Variants in FAM53B observed in about 807,000 individuals in gnomAD.
FAM53B encodes protein FAM53B.
A neutral mutation model predicts 32.7 loss-of-function variants in FAM53B; 12 were observed. That is an observed-to-expected ratio of 0.37 (90% CI 0.24 to 0.59). The LOEUF is 0.59. Among genes scored for constraint, FAM53B ranks in the 20% least tolerant of loss-of-function variants. The pLI is 0.72. For missense variants in FAM53B, 477 were observed against 577.7 expected, an observed-to-expected ratio of 0.83 and a Z score of 1.79; for synonymous variants, 234 against 228.7, an observed-to-expected ratio of 1.02 and a Z score of -0.21.
intron 4 of FAM53B, among the ~76,000 whole-genome samples, chr10:124,658,976 GTTAT>G (rs1365132287): frequency 6.6e-6 from 1 of 152,242 alleles, no homozygotes; most frequent in Non-Finnish European, 1.5e-5. Flanking sequence ...CCCTAGGTGA[GTTAT>G]TTAATTAGGT....
At chr10:124,672,664 G>C (rs1020509395) in intron 4 of FAM53B, among the ~76,000 whole-genome samples, 1 of 152,214 alleles carries the variant, frequency 6.6e-6, no homozygotes, top group African/African-American at 2.4e-5. Context: ...CTCCAGCCCA[G>C]AGTTCAGAAT....
At chr10:124,664,566 T>C (rs1020595449) in intron 4 of FAM53B, among the ~76,000 whole-genome samples, 27 of 152,276 alleles carry the variant, frequency 1.8e-4, no homozygotes, top group African/African-American at 6.5e-4. Flanking sequence ...GGTAGAACTC[T>C]GCGCAGATGG....
At chr10:124,657,425 A>G (rs1331619369) in intron 4 of FAM53B, among the ~76,000 whole-genome samples, 1 of 152,166 alleles carries the variant, frequency 6.6e-6, no homozygotes, top group Non-Finnish European at 1.5e-5. Flanking sequence ...GGGGCTAGAA[A>G]GGGTGTCAAG....
chr10:124,632,151 G>A (rs1949395391), intron 4 of FAM53B, among the ~76,000 whole-genome samples: 1 of 152,224 alleles, frequency 6.6e-6, no homozygotes, highest in South Asian at 2.1e-4. Flanking sequence ...CTCTCCGAGG[G>A]CACCCCACAG....
At position 124,672,751 on chromosome 10, in the gene FAM53B, A is replaced by G. The variant is rs546871775; in HGVS notation, c.906+8856T>C. Among the ~76,000 whole-genome samples, 4 of 152,354 alleles carry G rather than the reference A, an allele frequency of 2.6e-5. No individual in the cohort carries two copies. The East Asian group carries it at 7.7e-4, about 29-fold the overall frequency. ...AGAGGTTTGCAAACTGAGGGCTGAC[A>G]GGAAAGGGTAAGGAATGGGGCCTCC... On this transcript the variant is annotated intron_variant, in intron 4 of 4. Coordinates refer to ENST00000337318, the MANE Select transcript of FAM53B (RefSeq NM_014661.4).
At chr10:124,711,161 G>A (rs1346576081) in intron 1 of FAM53B, among the ~76,000 whole-genome samples, 1 of 152,102 alleles carries the variant, frequency 6.6e-6, no homozygotes, top group Non-Finnish European at 1.5e-5. Context: ...AGAGACACAC[G>A]CCACAACCTG....
chr10:124,647,126 C>A (rs1352593115), intron 4 of FAM53B, among the ~76,000 whole-genome samples: 3 of 152,184 alleles, frequency 2.0e-5, no homozygotes, highest in Non-Finnish European at 2.9e-5. Flanking sequence ...GGCATCGGGG[C>A]CGCATGTGCT....
At position 124,651,210 on chromosome 10, in the gene FAM53B, C is replaced by A. The variant is rs551354610; in HGVS notation, c.907-27606G>T. Among the ~76,000 whole-genome samples, 2 of 152,364 alleles carry A rather than the reference C, an allele frequency of 1.3e-5. No homozygotes were observed. The highest frequency in any genetic ancestry group is 1.9e-4 in the East Asian group (1 of 5,180). ...GGGAGACAGAGCCAGGTGGCCACCA[C>A]CTTGCCCTCAGACGCTCTGTTGTGG... On this transcript the variant is annotated intron_variant, in intron 4 of 4. Transcript: ENST00000337318. The surrounding 1 kb of genome is among the most constrained non-coding windows in gnomAD (Gnocchi z 5.2).
At chr10:124,642,622 A>G (rs984578377) in intron 4 of FAM53B, among the ~76,000 whole-genome samples, 8 of 152,206 alleles carry the variant, frequency 5.3e-5, no homozygotes, top group Non-Finnish European at 1.2e-4. Flanking sequence ...GGAACCTGAA[A>G]TCCCCGTGAG....
chr10:124,718,801 A>C (rs1950051332), intron 1 of FAM53B, among the ~76,000 whole-genome samples: 1 of 152,278 alleles, frequency 6.6e-6, no homozygotes, highest in Non-Finnish European at 1.5e-5. Context: ...TAATCCCTGC[A>C]CTTGGGCAGG....
intron 1 of FAM53B, among the ~76,000 whole-genome samples, chr10:124,735,762 G>T (rs932922932): frequency 7.2e-6 from 1 of 138,536 alleles, no homozygotes; most frequent in Non-Finnish European, 1.6e-5. Context: ...CTCACTCAGG[G>T]CCCCGAACCT....
chr10:124,691,279 AAAGT>A (rs1162398745), intron 3 of FAM53B, among the ~76,000 whole-genome samples: 6 of 152,216 alleles, frequency 3.9e-5, no homozygotes, highest in Non-Finnish European at 5.9e-5. Context: ...TTAAACCCTG[AAAGT>A]AAGGGCTTAT....
Position 124,694,030 on chromosome 10 carries a change from G to T in FAM53B, c.133+2128C>A, listed in dbSNP as rs948152317. ...CAGGGTTTTCCTGAATTAGGGAGGG[G>T]CCGACCAACAGAAAGATGAGACCCA... On this transcript the variant is annotated intron_variant, in intron 3 of 4. Transcript: ENST00000337318. Among the ~76,000 whole-genome samples, 8 of 152,330 alleles carry T rather than the reference G, an allele frequency of 5.3e-5. No homozygotes were observed. In the South Asian group the frequency reaches 8.3e-4, roughly 16 times the overall value.
At chr10:124,670,446 C>T (rs1221213146) in intron 4 of FAM53B, among the ~76,000 whole-genome samples, 1 of 152,088 alleles carries the variant, frequency 6.6e-6, no homozygotes, top group Admixed American at 6.5e-5. Flanking sequence ...AAAAAGCCCG[C>T]TCCTCACCCC....
chr10:124,659,094 C>T (rs1369139931), intron 4 of FAM53B, among the ~76,000 whole-genome samples: 1 of 152,206 alleles, frequency 6.6e-6, no homozygotes, highest in South Asian at 2.1e-4. Context: ...TGGTGGCTGA[C>T]GTGCACCCAC....
At position 124,623,474 on chromosome 10, in the gene FAM53B, C is replaced by T; in HGVS notation, c.1037G>A (p.Gly346Glu). 1 of 1,586,598 alleles carries T rather than the reference C, an allele frequency of 6.3e-7. No homozygotes were observed. The highest frequency in any genetic ancestry group is 8.6e-7 in the Non-Finnish European group (1 of 1,167,514). The change falls in exon 5 of 5, where the codon GGG (glycine) becomes GAG (glutamate). Residue 346 changes from glycine (G) to glutamate (E), a missense_variant. Around this residue, in one of 2 missense-constraint regions of FAM53B, gnomAD observed 165 missense variants for 157.5 expected, o/e 1.05. Coordinates refer to ENST00000337318, the MANE Select transcript of FAM53B (RefSeq NM_014661.4). Reference protein sequence around the residue: ...WTALLSASGPGGRTPAGTPVP... With the variant: ...WTALLSASGPEGRTPAGTPVP... The stretch of plus-strand genomic sequence containing the variant: ...CGGGGTCCCAGCGGGGGTCCTGCCC[C>T]CTGGGCCGGAGGCTGAGAGCAGGGC...
chr10:124,623,596 C>T lies in FAM53B; in HGVS notation c.915G>A (p.Gln305=), dbSNP rs1191908165. 5 of 1,609,458 alleles carry T rather than the reference C, an allele frequency of 3.1e-6. No individual in the cohort carries two copies. Among genetic ancestry groups the T allele is most frequent in the Non-Finnish European group, 4.2e-6 (5 of 1,179,430 alleles). ...LDLAKMAQNC[Q]TFSSLSCLSA... ...TCAGGCAGCTGAGGCTGCTGAAGGT[C>T]TGACAGTTCTGTGGAGGGGCAGACA... The change falls in exon 5 of 5, where the codon CAG becomes CAA. Residue 305 remains glutamine, a synonymous_variant. Coordinates refer to ENST00000337318, the MANE Select transcript of FAM53B (RefSeq NM_014661.4).
chr10:124,686,788 G>A (rs548245557), intron 3 of FAM53B, among the ~76,000 whole-genome samples: 5 of 152,306 alleles, frequency 3.3e-5, no homozygotes, highest in Non-Finnish European at 7.4e-5. Flanking sequence ...AAGAGGATGC[G>A]GTGTTCTCTG....
intron 4 of FAM53B, among the ~76,000 whole-genome samples, chr10:124,629,502 C>T (rs932972342): frequency 2.0e-5 from 3 of 152,192 alleles, no homozygotes; most frequent in Non-Finnish European, 2.9e-5. Flanking sequence ...GCCCAACTCA[C>T]AAGTCACGAG....
Sources: allele counts gnomAD v4.1 joint callset (sites outside exome capture counted in the v4.1 genomes callset), GRCh38; gene constraint gnomAD v4.1.1; regional missense constraint gnomAD v4.1.1; non-coding constraint Gnocchi (gnomAD v3.1); transcripts MANE v1.5; gene names NCBI Gene and HGNC (gene_info 2026-07-23, HGNC 2026-07-21).